NWD2: variants seen among roughly 807,000 people sequenced by gnomAD.
The protein encoded by NWD2 is NACHT and WD repeat domain-containing protein 2.
Under a neutral mutation model 132.7 loss-of-function variants are expected in NWD2, and 37 were observed. The ratio of observed to expected loss-of-function variants is 0.28; its 90% CI spans 0.21 to 0.37. The LOEUF (loss-of-function observed/expected upper bound fraction) is 0.37, where lower values mean the gene tolerates loss of function less well. Among genes scored for constraint, NWD2 ranks in the 10% least tolerant of loss-of-function variants. The probability of loss-of-function intolerance (pLI) is 1.00; values close to 1 mark genes in which losing one functional copy is unlikely to be tolerated. For missense variants in NWD2, 1,592 were observed against 2,122.4 expected, an observed-to-expected ratio of 0.75 and a Z score of 4.91; for synonymous variants, 705 against 803.0, an observed-to-expected ratio of 0.88 and a Z score of 2.06.
Position 37,446,266 on chromosome 4 carries a change from C to CTGTGTG in NWD2, c.4278_4279insTGTGTG (p.Leu1426_Ala1427insCysVal). Reference sequence around the variant, plus strand: ...AAAATGCCTCCAGGGTTTGGAGGCTCGCCACAGGCCACAGGGTCTGCAACA... The same window carrying CTGTGTG: ...AAAATGCCTCCAGGGTTTGGAGGCTCTGTGTGGCCACAGGCCACAGGGTCTGCAACA... On this transcript the variant is annotated inframe_insertion, in exon 7 of 7. Coordinates refer to ENST00000309447, the MANE Select transcript of NWD2 (RefSeq NM_001144990.2). This position sits in a 1 kb window ranked among gnomAD's most constrained non-coding sequence, Gnocchi z 6.7. The CTGTGTG allele has an allele frequency of 6.4e-7, 1 of 1,551,588 alleles. No individual in the cohort carries two copies. The highest frequency in any genetic ancestry group is 8.7e-7 in the Non-Finnish European group (1 of 1,146,984).
In NWD2 at chr4:37,364,095, A is replaced by G. The variant is rs146606560; in HGVS notation, c.357+7613A>G. On this transcript the variant is annotated intron_variant, in intron 3 of 6. Coordinates refer to ENST00000309447, the MANE Select transcript of NWD2 (RefSeq NM_001144990.2). ...GGAGGTTGCAGTGAGCCAAGATCAC[A>G]CCACTGCATTCCAGCCTGGGCTACA... 3.1e-3 allele frequency among the ~76,000 whole-genome samples: 479 copies of G among 152,248 alleles called. 4 individuals carry two copies. The highest frequency in any genetic ancestry group is 9.8e-3 in the African/African-American group (406 of 41,536).
intron 3 of NWD2, among the ~76,000 whole-genome samples, chr4:37,430,185 A>T (rs1372324346): frequency 6.6e-6 from 1 of 152,180 alleles, no homozygotes; most frequent in African/African-American, 2.4e-5. Context: ...TTGACAGAGC[A>T]GTTCTTTGGT....
intron 1 of NWD2, among the ~76,000 whole-genome samples, chr4:37,258,142 T>C (rs1217445489): frequency 6.6e-6 from 1 of 152,288 alleles, no homozygotes; most frequent in Non-Finnish European, 1.5e-5. Flanking sequence ...CCAAAGAGCC[T>C]GTGGTTCCCA....
At chr4:37,360,276 T>G (rs1719954037) in intron 3 of NWD2, among the ~76,000 whole-genome samples, 1 of 152,178 alleles carries the variant, frequency 6.6e-6, no homozygotes, top group African/African-American at 2.4e-5. Flanking sequence ...AAAATGTAAT[T>G]TATTTTCAAA....
chr4:37,339,484 C>T (rs1045583455), intron 2 of NWD2, among the ~76,000 whole-genome samples: 1 of 152,152 alleles, frequency 6.6e-6, no homozygotes, highest in Non-Finnish European at 1.5e-5. Context: ...AGCAGCTAAA[C>T]TTTGCTGAGC....
At chr4:37,339,721 A>G (rs1225259963) in intron 2 of NWD2, among the ~76,000 whole-genome samples, 1 of 152,190 alleles carries the variant, frequency 6.6e-6, no homozygotes, top group South Asian at 2.1e-4. Flanking sequence ...GTTTTAGTGC[A>G]TGGATATATT....
At chr4:37,386,444 C>T (rs1167190494) in intron 3 of NWD2, among the ~76,000 whole-genome samples, 1 of 152,020 alleles carries the variant, frequency 6.6e-6, no homozygotes, top group Non-Finnish European at 1.5e-5. Context: ...CAGGGTAGGT[C>T]CTGGGTGCTT....
At chr4:37,306,248 T>C (rs1454945663) in intron 1 of NWD2, among the ~76,000 whole-genome samples, 1 of 152,148 alleles carries the variant, frequency 6.6e-6, no homozygotes, top group East Asian at 1.9e-4. Context: ...GCTAATGGTT[T>C]CTCAGTATCG....
At chr4:37,441,327 G>C (rs1333798888) in intron 6 of NWD2, among the ~76,000 whole-genome samples, 1 of 152,200 alleles carries the variant, frequency 6.6e-6, no homozygotes, top group Non-Finnish European at 1.5e-5. Flanking sequence ...AAGTAAGCAA[G>C]ATAGTAACAC....
At chr4:37,254,224 A>C (rs1240218796) in intron 1 of NWD2, among the ~76,000 whole-genome samples, 3 of 152,232 alleles carry the variant, frequency 2.0e-5, no homozygotes, top group Admixed American at 2.0e-4. Flanking sequence ...CAGGCTGGGC[A>C]TATCAACATT....
At chr4:37,433,104 TC>T (rs2109326972) in intron 4 of NWD2, among the ~76,000 whole-genome samples, 1 of 152,310 alleles carries the variant, frequency 6.6e-6, no homozygotes, top group South Asian at 2.1e-4. Flanking sequence ...TTTCTTCTTC[TC>T]CCTCACATAT....
intron 1 of NWD2, among the ~76,000 whole-genome samples, chr4:37,260,153 C>A (rs1220690357): frequency 6.6e-6 from 1 of 152,100 alleles, no homozygotes; most frequent in Non-Finnish European, 1.5e-5. Flanking sequence ...TTCTTGTTTT[C>A]CAATAGTGTC....
At position 37,443,795 on chromosome 4, in the gene NWD2, G is replaced by T; in HGVS notation, c.1807G>T (p.Ala603Ser). Residue 603 changes from alanine to serine, a missense_variant, in exon 7 of 7, where the codon GCA (alanine) becomes TCA (serine). Coordinates refer to ENST00000309447, the MANE Select transcript of NWD2 (RefSeq NM_001144990.2). The surrounding 1 kb of genome is among the most constrained non-coding windows in gnomAD (Gnocchi z 4.1). ...TSGQQIYVNN[A>S]LSKCTLPMFV... ...AGGCCAGCAGATTTATGTGAACAAT[G>T]CATTATCCAAGTGCACACTGCCAAT... 6.4e-7 allele frequency: 1 copy of T among 1,552,072 alleles called. No individual in the cohort carries two copies. The highest frequency in any genetic ancestry group is 8.7e-7 in the Non-Finnish European group (1 of 1,147,092).
At chr4:37,258,630 G>C (rs1220728720) in intron 1 of NWD2, among the ~76,000 whole-genome samples, 1 of 152,214 alleles carries the variant, frequency 6.6e-6, no homozygotes, top group Non-Finnish European at 1.5e-5. Flanking sequence ...AACTGAGGCA[G>C]TCCAGCCTCT....
intron 1 of NWD2, among the ~76,000 whole-genome samples, chr4:37,313,005 T>G (rs1718881322): frequency 6.6e-6 from 1 of 151,136 alleles, no homozygotes; most frequent in South Asian, 2.1e-4. Flanking sequence ...ATAAGCTTTT[T>G]GATGTGCTGC....
chr4:37,363,138 T>G (rs1313470297), intron 3 of NWD2, among the ~76,000 whole-genome samples: 1 of 152,142 alleles, frequency 6.6e-6, no homozygotes, highest in African/African-American at 2.4e-5. Flanking sequence ...TGACTATTAT[T>G]GAAAACTCAA....
intron 1 of NWD2, among the ~76,000 whole-genome samples, chr4:37,300,332 G>A (rs1718588458): frequency 6.6e-6 from 1 of 152,240 alleles, no homozygotes; most frequent in African/African-American, 2.4e-5. Flanking sequence ...AAATTTTAAC[G>A]TGGCAAGCCC....
chr4:37,317,640 T>C (rs1473260225), intron 1 of NWD2, among the ~76,000 whole-genome samples: 2 of 152,228 alleles, frequency 1.3e-5, no homozygotes, highest in African/African-American at 4.8e-5. Context: ...TCATGAATAA[T>C]GACTTCTCAA....
At chr4:37,308,115 G>A (rs1718747903) in intron 1 of NWD2, among the ~76,000 whole-genome samples, 1 of 151,934 alleles carries the variant, frequency 6.6e-6, no homozygotes, top group African/African-American at 2.4e-5. Context: ...CTTTGCCTTG[G>A]GATGTATTAC....
Sources: allele counts gnomAD v4.1 joint callset (sites outside exome capture counted in the v4.1 genomes callset), GRCh38; gene constraint gnomAD v4.1.1; non-coding constraint Gnocchi (gnomAD v3.1); transcripts MANE v1.5; gene names NCBI Gene and HGNC (gene_info 2026-07-23, HGNC 2026-07-21).